Variants in KAT14 observed in about 807,000 individuals in gnomAD.
KAT14 encodes the protein lysine acetyltransferase 14.
Under a neutral mutation model 78.4 loss-of-function variants are expected in KAT14, and 66 were observed. The ratio of observed to expected loss-of-function variants is 0.84; its 90% CI spans 0.69 to 1.03. KAT14 has a LOEUF of 1.03. KAT14 is among the 50% of genes least tolerant of loss of function. The pLI, the probability that KAT14 is intolerant of heterozygous loss-of-function variation, is 0.00. For missense variants in KAT14, 870 were observed against 972.5 expected, an observed-to-expected ratio of 0.89 and a Z score of 1.40; for synonymous variants, 344 against 359.4, an observed-to-expected ratio of 0.96 and a Z score of 0.48.
intron 1 of KAT14, among the ~76,000 whole-genome samples, chr20:18,139,633 C>CGTGTGTGTGTGTGTGTGTGT (rs71194228): frequency 1.9e-4 from 27 of 141,720 alleles, no homozygotes; most frequent in East Asian, 1.8e-3. Flanking sequence ...ACCAAAATAA[C>CGTGTGTGTGTGTGTGTGTGT]GTGTGTGTGT....
chr20:18,156,769 G>A (rs569660387), intron 4 of KAT14, among the ~76,000 whole-genome samples: 2 of 152,038 alleles, frequency 1.3e-5, no homozygotes, highest in African/African-American at 2.4e-5. Flanking sequence ...CTCTCTACAC[G>A]TCTGTCTCTG....
rs2038019923 is a variant in KAT14, at chr20:18,151,084, GCATGACCATAGCT to G, written c.500+145_500+157del. On this transcript the variant is annotated intron_variant, in intron 4 of 10. Coordinates refer to ENST00000688188, the MANE Select transcript of KAT14 (RefSeq NM_001392073.1). Reference sequence around the variant, plus strand: ...GAGTCTCCCAGGCTGGAGTGCAGTGGCATGACCATAGCTCACTGCATCCTCAACCTCCTGGGCT... The same window carrying G: ...GAGTCTCCCAGGCTGGAGTGCAGTGGCACTGCATCCTCAACCTCCTGGGCT... 2.6e-6 allele frequency: 3 copies of G among 1,138,548 alleles called. No homozygotes were observed. In the East Asian group the frequency reaches 8.1e-5, roughly 31 times the overall value. 70.5% of individuals were successfully genotyped at this position (1,138,548 alleles called of 1,614,324 possible). A position where few individuals can be genotyped will look rare whatever the true frequency, so the allele number is the denominator to read the frequency against.
chr20:18,183,206 C>T lies in KAT14; in HGVS notation c.1889C>T (p.Thr630Met), dbSNP rs781727666. The T allele has an allele frequency of 1.4e-5, 22 of 1,613,980 alleles. No individual in the cohort carries two copies. Among genetic ancestry groups the T allele is most frequent in the Non-Finnish European group, 1.9e-5 (22 of 1,180,032 alleles). The change falls in exon 9 of 11, where the codon ACG becomes ATG. Residue 630 changes from threonine (T) to methionine (M), a missense_variant. Physicochemically the swap from Thr to Met is moderately conservative, Grantham distance 81. Coordinates refer to ENST00000688188, the MANE Select transcript of KAT14 (RefSeq NM_001392073.1). ...CTGCACAGGAGCGACCCTCACTGGACGCCGGAGCCCGACGCACCTCTCGAT... is the reference window on the plus strand; with the variant it reads ...CTGCACAGGAGCGACCCTCACTGGATGCCGGAGCCCGACGCACCTCTCGAT... ...SHLHRSDPHW[T>M]PEPDAPLDYC...
Position 18,145,293 on chromosome 20 carries a change from C to G in KAT14, c.320C>G (p.Ser107Trp). Residue 107 changes from serine (S) to tryptophan (W), a missense_variant, in exon 3 of 11, where the codon TCG becomes TGG. Coordinates refer to ENST00000688188, the MANE Select transcript of KAT14 (RefSeq NM_001392073.1). The stretch of plus-strand genomic sequence containing the variant: ...GATAATTTTTTTAGGTTTACTTGTT[C>G]GGATTGCTCAGCAGATGGCAAGGAG... ...KGDNFFRFTCSDCSADGKEQY... is the reference protein window; with the variant it reads ...KGDNFFRFTCWDCSADGKEQY... The G allele has an allele frequency of 1.9e-6, 3 of 1,614,124 alleles. No individual in the cohort carries two copies. The highest frequency in any genetic ancestry group is 1.1e-5 in the South Asian group (1 of 91,080).
Position 18,138,016 on chromosome 20 carries a change from G to T in KAT14, c.-489G>T. On this transcript the variant is annotated 5_prime_UTR_variant, in exon 1 of 11. Coordinates refer to ENST00000688188, the MANE Select transcript of KAT14 (RefSeq NM_001392073.1). Reference sequence around the variant, plus strand: ...GGTGCTGCTGACGGCGGCCACAGTGGCCGGCGTACATGTGAAGCAGCAGTG... The same window carrying T: ...GGTGCTGCTGACGGCGGCCACAGTGTCCGGCGTACATGTGAAGCAGCAGTG... 6.7e-7 allele frequency: 1 copy of T among 1,499,866 alleles called. No homozygotes were observed. The highest frequency in any genetic ancestry group is 1.4e-5 in the African/African-American group (1 of 69,302). 92.9% of individuals were successfully genotyped at this position (1,499,866 alleles called of 1,614,324 possible).
intron 7 of KAT14, among the ~76,000 whole-genome samples, chr20:18,177,658 T>C (rs1568673673): frequency 1.3e-5 from 2 of 152,232 alleles, no homozygotes; most frequent in Non-Finnish European, 2.9e-5. Context: ...TCTTGCTCTT[T>C]CCTTTTAACA....
At chr20:18,154,960 A>G (rs1372697469) in intron 4 of KAT14, among the ~76,000 whole-genome samples, 1 of 152,250 alleles carries the variant, frequency 6.6e-6, no homozygotes, top group African/African-American at 2.4e-5. Context: ...GCAATTATTC[A>G]GTAATAACTA....
chr20:18,176,043 C>T (rs912742328), intron 7 of KAT14, among the ~76,000 whole-genome samples: 5 of 151,246 alleles, frequency 3.3e-5, no homozygotes, highest in Admixed American at 1.3e-4. Context: ...GTGGCTCACC[C>T]CTGTAATCCC....
Position 18,183,587 on chromosome 20 carries a change from G to A in KAT14, c.1981+289G>A, listed in dbSNP as rs2039346063. 2.2e-5 allele frequency: 21 copies of A among 961,802 alleles called. No individual in the cohort carries two copies. The South Asian group carries it at 7.7e-4, about 35-fold the overall frequency. 59.6% of individuals were successfully genotyped at this position (961,802 alleles called of 1,614,324 possible). A position where few individuals can be genotyped will look rare whatever the true frequency, so the allele number is the denominator to read the frequency against. Reference sequence around the variant, plus strand: ...TGCATATGTTTAGATACCAGGTAATGTCTATCAAAGATACACAGACTGGTA... The same window carrying A: ...TGCATATGTTTAGATACCAGGTAATATCTATCAAAGATACACAGACTGGTA... On this transcript the variant is annotated intron_variant, in intron 9 of 10. Transcript: ENST00000688188.
Position 18,183,211 on chromosome 20 carries a change from G to A in KAT14, c.1894G>A (p.Glu632Lys). 6.2e-7 allele frequency: 1 copy of A among 1,614,038 alleles called. No homozygotes were observed. The highest frequency in any genetic ancestry group is 1.7e-5 in the Admixed American group (1 of 60,004). Residue 632 changes from glutamate to lysine, a missense_variant, in exon 9 of 11, where the codon GAG (glutamate) becomes AAG (lysine). Coordinates refer to ENST00000688188, the MANE Select transcript of KAT14 (RefSeq NM_001392073.1). ...LHRSDPHWTP[E>K]PDAPLDYCYV... is the part of the protein sequence containing the mutation. ...CAGGAGCGACCCTCACTGGACGCCG[G>A]AGCCCGACGCACCTCTCGATTACTG... is the stretch of plus-strand genomic sequence containing the variant.
intron 4 of KAT14, among the ~76,000 whole-genome samples, chr20:18,152,804 G>T (rs1289828795): frequency 2.6e-5 from 4 of 152,160 alleles, no homozygotes; most frequent in African/African-American, 4.8e-5. Context: ...ATCTGCATGT[G>T]GCTTGTTCAT....
chr20:18,172,027 AGT>A (rs1329863095), intron 7 of KAT14, among the ~76,000 whole-genome samples: 1 of 152,204 alleles, frequency 6.6e-6, no homozygotes, highest in Non-Finnish European at 1.5e-5. Flanking sequence ...TTAACAATAA[AGT>A]GTTTAAAATT....
At chr20:18,151,791 G>T (rs1157890888) in intron 4 of KAT14, among the ~76,000 whole-genome samples, 1 of 151,496 alleles carries the variant, frequency 6.6e-6, no homozygotes, top group Non-Finnish European at 1.5e-5. Flanking sequence ...ATCACCTGAG[G>T]TCAGGAGTTC....
chr20:18,184,543 G>A, intron 9 of KAT14, 59 bp from the exon 10 acceptor site: 3 of 1,424,482 alleles, frequency 2.1e-6, no homozygotes, highest in Admixed American at 4.7e-5. Flanking sequence ...TGAACAGCTT[G>A]GTGTTCCTTA....
chr20:18,141,041 T>TTTA (rs1555801379), intron 1 of KAT14, among the ~76,000 whole-genome samples: 635 of 43,572 alleles, frequency 0.015, 8 homozygotes, highest in African/African-American at 0.026. Flanking sequence ...TTTTTTTTTT[T>TTTA]TTTTTATTTT....
At chr20:18,183,010 C>G in intron 8 of KAT14, 113 bp from the exon 9 acceptor site, 1 of 1,395,742 alleles carries the variant, frequency 7.2e-7, no homozygotes, top group Non-Finnish European at 9.6e-7. Flanking sequence ...TAAAACAGTG[C>G]AGGTTACTTT....
intron 4 of KAT14, among the ~76,000 whole-genome samples, chr20:18,151,180 A>C (rs1481580412): frequency 6.6e-6 from 1 of 151,856 alleles, no homozygotes; most frequent in African/African-American, 2.4e-5. Flanking sequence ...GTGCACCAAC[A>C]TGCCTGGCTT....
At chr20:18,182,706 G>T (rs1298138350) in intron 8 of KAT14, among the ~76,000 whole-genome samples, 2 of 152,108 alleles carry the variant, frequency 1.3e-5, no homozygotes, top group Non-Finnish European at 2.9e-5. Context: ...CACATTCCTG[G>T]GCAGGCACAG....
At chr20:18,168,254 T>C (rs931720388) in intron 7 of KAT14, among the ~76,000 whole-genome samples, 2 of 152,202 alleles carry the variant, frequency 1.3e-5, no homozygotes, top group Middle Eastern at 3.2e-3. Flanking sequence ...TTGACTGGGC[T>C]CAGTGGCTCA....
Sources: gnomAD v4.1 joint callset for allele counts (sites outside exome capture counted in the v4.1 genomes callset) on GRCh38, gnomAD v4.1.1 for gene constraint, MANE v1.5 for transcripts, NCBI Gene and HGNC (gene_info 2026-07-23, HGNC 2026-07-21) for gene names.